The following WDFY1 variants were observed in gnomAD, a reference collection of about 807,000 sequenced individuals.
WDFY1 encodes WD repeat and FYVE domain containing 1, also known as WD repeat and FYVE domain-containing protein 1.
A neutral mutation model predicts 56.4 loss-of-function variants in WDFY1; 32 were observed. That is an observed-to-expected ratio of 0.57 (90% CI 0.43 to 0.76). The LOEUF is 0.76. WDFY1 is among the 30% of genes least tolerant of loss of function. The pLI is 0.00. For synonymous variants in WDFY1, 192 were observed against 197.3 expected, an observed-to-expected ratio of 0.97 and a Z score of 0.23; for missense variants, 480 against 545.7, an observed-to-expected ratio of 0.88 and a Z score of 1.20.
chr2:223,879,646 C>A (rs1291594650), intron 11 of WDFY1, among the ~76,000 whole-genome samples: 6 of 149,694 alleles, frequency 4.0e-5, no homozygotes, highest in Non-Finnish European at 7.4e-5. Context: ...GACAACAGAG[C>A]AAGACCCATC....
chr2:223,941,236 C>T (rs372223515), intron 1 of WDFY1, among the ~76,000 whole-genome samples: 272 of 151,804 alleles, frequency 1.8e-3, no homozygotes, highest in African/African-American at 6.1e-3. Context: ...GGATTACAGT[C>T]GTGAGCCACC....
chr2:223,943,951 G>C (rs1689357773), intron 1 of WDFY1, among the ~76,000 whole-genome samples: 1 of 152,226 alleles, frequency 6.6e-6, no homozygotes, highest in South Asian at 2.1e-4. Flanking sequence ...CACAGTGCAA[G>C]AGAGGACTCT....
At chr2:223,887,926 T>C (rs889420499) in intron 8 of WDFY1, among the ~76,000 whole-genome samples, 4 of 152,190 alleles carry the variant, frequency 2.6e-5, no homozygotes, top group Non-Finnish European at 5.9e-5. Flanking sequence ...TGGGTAGAAT[T>C]GAAGGCAAGA....
At chr2:223,934,081 C>CTTTTTTTTT (rs201021204) in intron 1 of WDFY1, among the ~76,000 whole-genome samples, 1 of 136,168 alleles carries the variant, frequency 7.3e-6, no homozygotes, top group African/African-American at 2.8e-5. Flanking sequence ...TTTTTCTTTT[C>CTTTTTTTTT]TTTTTTTTTT....
chr2:223,896,634 T>G (rs969522961), intron 6 of WDFY1, among the ~76,000 whole-genome samples: 2 of 152,210 alleles, frequency 1.3e-5, no homozygotes, highest in African/African-American at 4.8e-5. Context: ...TTAATCAACT[T>G]AGTAAAACTG....
chr2:223,898,931 A>C (rs1559166430), intron 6 of WDFY1, 27 bp downstream of exon 6: 1 of 1,598,782 alleles, frequency 6.3e-7, no homozygotes, highest in East Asian at 2.2e-5. Flanking sequence ...TAGGCAAAAA[A>C]AACTCTTGGG....
chr2:223,916,644 C>T (rs1452549748), intron 2 of WDFY1, among the ~76,000 whole-genome samples: 1 of 152,116 alleles, frequency 6.6e-6, no homozygotes, highest in African/African-American at 2.4e-5. Flanking sequence ...CTTGGCATAA[C>T]GGAGTTGACT....
chr2:223,886,725 C>A (rs1191014327), intron 8 of WDFY1, among the ~76,000 whole-genome samples: 1 of 69,372 alleles, frequency 1.4e-5, no homozygotes, highest in Non-Finnish European at 2.6e-5. Context: ...AGTGAAACTC[C>A]GTCTAAAAAA....
At chr2:223,926,430 A>C (rs985881817) in intron 1 of WDFY1, among the ~76,000 whole-genome samples, 10 of 152,020 alleles carry the variant, frequency 6.6e-5, no homozygotes, top group African/African-American at 1.7e-4. Context: ...TATGCCCAGC[A>C]AAAGTGTATT....
chr2:223,916,815 CT>C (rs201460170), intron 2 of WDFY1, among the ~76,000 whole-genome samples: 2,851 of 138,446 alleles, frequency 0.021, 46 homozygotes, highest in African/African-American at 0.047. Flanking sequence ...CCCAGGGCTG[CT>C]TTTTTTTTTT....
At chr2:223,901,084 A>T in intron 5 of WDFY1, 99 bp downstream of exon 5, 1 of 1,404,400 alleles carries the variant, frequency 7.1e-7, no homozygotes, top group Non-Finnish European at 9.5e-7. Context: ...AATAGGTTTC[A>T]TTCAGTCTTT....
chr2:223,883,937 T>C (rs918558373), intron 9 of WDFY1, among the ~76,000 whole-genome samples: 4 of 152,086 alleles, frequency 2.6e-5, no homozygotes, highest in Non-Finnish European at 5.9e-5. Context: ...TGAGCCACCA[T>C]GCAGGGCCAA....
chr2:223,908,947 A>G (rs927154354), intron 3 of WDFY1, among the ~76,000 whole-genome samples: 1 of 152,068 alleles, frequency 6.6e-6, no homozygotes, highest in African/African-American at 2.4e-5. Flanking sequence ...CCTCTTCTCC[A>G]TCACCACCCC....
Position 223,894,216 on chromosome 2 carries a change from C to A in WDFY1, c.831+18G>T, listed in dbSNP as rs1422289589. Reference sequence around the variant, plus strand: ...GGGGGTCTCCCCCGATCAGCCTGGACTTGCCCTTGTCTCTTACCTCTTCTC... The same window carrying A: ...GGGGGTCTCCCCCGATCAGCCTGGAATTGCCCTTGTCTCTTACCTCTTCTC... On this transcript the variant is annotated intron_variant, in intron 8 of 11. Transcript: ENST00000233055. 6.2e-7 allele frequency: 1 copy of A among 1,613,864 alleles called. No individual in the cohort carries two copies. The highest frequency in any genetic ancestry group is 8.5e-7 in the Non-Finnish European group (1 of 1,179,774).
At chr2:223,908,059 A>T (rs1014571950) in intron 3 of WDFY1, among the ~76,000 whole-genome samples, 2 of 3,350 alleles carry the variant, frequency 6.0e-4, no homozygotes, top group African/African-American at 1.4e-3. Flanking sequence ...AGGTCTCACT[A>T]ATATTGCCCA....
chr2:223,883,345 T>G (rs1693108074), intron 9 of WDFY1, among the ~76,000 whole-genome samples: 1 of 152,240 alleles, frequency 6.6e-6, no homozygotes, highest in Non-Finnish European at 1.5e-5. Context: ...ACATATTCTT[T>G]TACCGCCAAA....
intron 9 of WDFY1, among the ~76,000 whole-genome samples, chr2:223,882,454 G>A (rs1265077688): frequency 6.6e-6 from 1 of 152,104 alleles, no homozygotes; most frequent in African/African-American, 2.4e-5. Flanking sequence ...CTAAAGTAGG[G>A]CAACAGGAGC....
At chr2:223,893,286 G>A (rs192110985) in intron 8 of WDFY1, among the ~76,000 whole-genome samples, 2 of 151,678 alleles carry the variant, frequency 1.3e-5, no homozygotes, top group Admixed American at 1.3e-4. Context: ...GGAGACTGAG[G>A]CAGGAGGATT....
At chr2:223,896,978 G>A (rs1693392097) in intron 6 of WDFY1, among the ~76,000 whole-genome samples, 1 of 152,132 alleles carries the variant, frequency 6.6e-6, no homozygotes, top group African/African-American at 2.4e-5. Context: ...GAGAGAATTA[G>A]TCATAAACAG....
Sources: gnomAD v4.1 joint callset for allele counts (sites outside exome capture counted in the v4.1 genomes callset) on GRCh38, gnomAD v4.1.1 for gene constraint, MANE v1.5 for transcripts, NCBI Gene and HGNC (gene_info 2026-07-23, HGNC 2026-07-21) for gene names.